Variants in ATRNL1 observed in about 807,000 individuals in gnomAD.
ATRNL1 encodes attractin like 1, also known as attractin-like protein 1.
Under a neutral mutation model 182.7 loss-of-function variants are expected in ATRNL1, and 95 were observed. The observed-to-expected ratio is 0.52, with a 90% CI of 0.44 to 0.62. The LOEUF (loss-of-function observed/expected upper bound fraction) is 0.62, where lower values mean the gene tolerates loss of function less well. ATRNL1 is among the 20% of genes least tolerant of loss of function. ATRNL1 has a pLI of 0.00. For synonymous variants in ATRNL1, 576 were observed against 568.3 expected (o/e 1.01, Z -0.19); for missense variants, 1,471 against 1,679.5 (o/e 0.88, Z 2.17).
At chr10:115,174,973 C>T (rs1472568985) in intron 8 of ATRNL1, among the ~76,000 whole-genome samples, 1 of 151,880 alleles carries the variant, frequency 6.6e-6, no homozygotes, top group Non-Finnish European at 1.5e-5. Context: ...GGAACCAAGG[C>T]TGAAATAGAT....
intron 25 of ATRNL1, among the ~76,000 whole-genome samples, chr10:115,545,234 CAAA>C (rs71010026): frequency 8.4e-5 from 8 of 94,844 alleles, no homozygotes; most frequent in African/African-American, 2.5e-4. Flanking sequence ...GACTCCGTAT[CAAA>C]AAAAAAAAAA....
chr10:115,293,835 G>A (rs1353117426), intron 15 of ATRNL1, among the ~76,000 whole-genome samples: 1 of 152,136 alleles, frequency 6.6e-6, no homozygotes, highest in Admixed American at 6.5e-5. Flanking sequence ...CACTATTGCT[G>A]AAATGGGGAT....
At chr10:115,253,572 T>C (rs1191075436) in intron 10 of ATRNL1, among the ~76,000 whole-genome samples, 4 of 152,162 alleles carry the variant, frequency 2.6e-5, no homozygotes, top group African/African-American at 9.7e-5. Context: ...CCATTATACA[T>C]GTTCATCATT....
At chr10:115,931,864 C>T (rs1236340255) in intron 28 of ATRNL1, among the ~76,000 whole-genome samples, 8 of 152,114 alleles carry the variant, frequency 5.3e-5, no homozygotes, top group African/African-American at 1.7e-4. Flanking sequence ...GGAAACATGT[C>T]GGCAGGGATT....
intron 5 of ATRNL1, among the ~76,000 whole-genome samples, chr10:115,157,347 A>G (rs573001977): frequency 4.0e-4 from 61 of 152,238 alleles, no homozygotes; most frequent in Non-Finnish European, 7.2e-4. Context: ...ATTAATATTC[A>G]GTTAATTAGT....
At chr10:115,508,790 A>G (rs1413690953) in intron 24 of ATRNL1, among the ~76,000 whole-genome samples, 2 of 152,058 alleles carry the variant, frequency 1.3e-5, no homozygotes, top group East Asian at 3.9e-4. Context: ...CCATCTTCAT[A>G]ACAAAAGTGC....
intron 5 of ATRNL1, among the ~76,000 whole-genome samples, chr10:115,152,020 C>G (rs572973778): frequency 6.6e-6 from 1 of 152,050 alleles, no homozygotes; most frequent in Non-Finnish European, 1.5e-5. Context: ...GATCAGATGG[C>G]TGTAGATGTG....
At chr10:115,392,614 T>C (rs1460370745) in intron 19 of ATRNL1, among the ~76,000 whole-genome samples, 2 of 152,152 alleles carry the variant, frequency 1.3e-5, no homozygotes, top group Non-Finnish European at 2.9e-5. Context: ...ATTATAGTCT[T>C]ATGTGTGAAG....
intron 28 of ATRNL1, among the ~76,000 whole-genome samples, chr10:115,851,523 G>A (rs1474449236): frequency 2.6e-5 from 4 of 152,060 alleles, no homozygotes; most frequent in African/African-American, 7.2e-5. Context: ...TTAACCAGAG[G>A]TCAAAAGAAA....
chr10:115,452,619 T>C (rs1370311983), intron 21 of ATRNL1, among the ~76,000 whole-genome samples: 1 of 152,136 alleles, frequency 6.6e-6, no homozygotes, highest in African/African-American at 2.4e-5. Flanking sequence ...TAATTATACA[T>C]CTATGAAACC....
chr10:115,377,700 T>C (rs1857755437), intron 19 of ATRNL1, among the ~76,000 whole-genome samples: 1 of 152,164 alleles, frequency 6.6e-6, no homozygotes, highest in African/African-American at 2.4e-5. Flanking sequence ...AGTCTGTATA[T>C]GTCTTTATAA....
At chr10:115,502,513 C>T (rs1246718745) in intron 24 of ATRNL1, among the ~76,000 whole-genome samples, 1 of 151,486 alleles carries the variant, frequency 6.6e-6, no homozygotes, top group African/African-American at 2.4e-5. Flanking sequence ...AACAAGAAGC[C>T]CTAGTAAAAA....
intron 9 of ATRNL1, among the ~76,000 whole-genome samples, chr10:115,219,590 G>T (rs887790442): frequency 2.0e-5 from 3 of 152,170 alleles, no homozygotes; most frequent in Non-Finnish European, 4.4e-5. Flanking sequence ...TGCAGCTGTT[G>T]TGTTGGTTGT....
At chr10:115,859,196 A>C (rs542410116) in intron 28 of ATRNL1, among the ~76,000 whole-genome samples, 4 of 152,084 alleles carry the variant, frequency 2.6e-5, no homozygotes, top group African/African-American at 9.7e-5. Context: ...TAGTGCTTCA[A>C]TGTATGAATT....
At chr10:115,836,841 A>G (rs1950685259) in intron 27 of ATRNL1, among the ~76,000 whole-genome samples, 2 of 152,198 alleles carry the variant, frequency 1.3e-5, no homozygotes, top group South Asian at 4.1e-4. Context: ...TCTGCTTCCC[A>G]GTTGATACCT....
chr10:115,519,267 C>A lies in ATRNL1; in HGVS notation c.3659C>A (p.Ala1220Glu). 3 of 1,609,676 alleles carry A rather than the reference C, an allele frequency of 1.9e-6. No homozygotes were observed. The highest frequency in any genetic ancestry group is 2.5e-6 in the Non-Finnish European group (3 of 1,177,960). ...TTTTTTATTTTGATTTTTCAGATTG[C>A]ATTCTCACAACACAATACAATCATG... ...NFSWPIKIQI[A>E]FSQHNTIMDL... Residue 1220 changes from alanine to glutamate, a missense_variant, in exon 25 of 29, where the codon GCA (alanine) becomes GAA (glutamate). By Grantham distance (107) the Ala-to-Glu change is moderately radical. Around this residue, in one of 3 missense-constraint regions of ATRNL1, gnomAD observed 437 missense variants for 506.0 expected, o/e 0.86. Coordinates refer to ENST00000355044, the MANE Select transcript of ATRNL1 (RefSeq NM_207303.4).
chr10:115,094,505 C>T (rs960992588), intron 1 of ATRNL1, among the ~76,000 whole-genome samples: 1 of 152,206 alleles, frequency 6.6e-6, no homozygotes, highest in Non-Finnish European at 1.5e-5. Flanking sequence ...CCATTCTCTT[C>T]TCTCTAGAGG....
intron 27 of ATRNL1, among the ~76,000 whole-genome samples, chr10:115,728,348 T>C (rs1392123000): frequency 2.7e-5 from 4 of 149,214 alleles, no homozygotes; most frequent in African/African-American, 9.8e-5. Context: ...CAAATTATGA[T>C]TAATGACTAT....
intron 26 of ATRNL1, among the ~76,000 whole-genome samples, chr10:115,659,469 T>C (rs1223442517): frequency 6.6e-6 from 1 of 152,050 alleles, no homozygotes; most frequent in Non-Finnish European, 1.5e-5. Context: ...TGTCAGGCAG[T>C]CTCCTGGGCC....
Sources: gnomAD v4.1 joint callset for allele counts (sites outside exome capture counted in the v4.1 genomes callset) on GRCh38, gnomAD v4.1.1 for gene constraint, gnomAD v4.1.1 regional missense constraint, MANE v1.5 for transcripts, NCBI Gene and HGNC (gene_info 2026-07-23, HGNC 2026-07-21) for gene names.